Variants in TMEM117 observed in about 807,000 individuals in gnomAD.
TMEM117 encodes transmembrane protein 117.
TMEM117 carries 27 observed loss-of-function variants against 52.4 expected under a neutral mutation model. That is an observed-to-expected ratio of 0.51 (90% CI 0.38 to 0.71). The LOEUF (loss-of-function observed/expected upper bound fraction) is 0.71, where lower values mean the gene tolerates loss of function less well. TMEM117 is among the 30% of genes least tolerant of loss of function. TMEM117 has a pLI of 0.00. For missense variants in TMEM117, 556 were observed against 630.5 expected, an observed-to-expected ratio of 0.88 and a Z score of 1.26; for synonymous variants, 215 against 206.3, an observed-to-expected ratio of 1.04 and a Z score of -0.36.
chr12:44,152,231 A>G (rs1379013208), intron 4 of TMEM117, among the ~76,000 whole-genome samples: 1 of 109,518 alleles, frequency 9.1e-6, no homozygotes, highest in African/African-American at 3.8e-5. Flanking sequence ...TTATAAATAT[A>G]ATTATATATA....
At chr12:44,189,858 C>T (rs1444850272) in intron 4 of TMEM117, among the ~76,000 whole-genome samples, 4 of 152,114 alleles carry the variant, frequency 2.6e-5, no homozygotes, top group Non-Finnish European at 5.9e-5. Context: ...CTTCTAAAGT[C>T]TTGGAAATTA....
At chr12:44,328,668 A>G (rs1250540284) in intron 6 of TMEM117, among the ~76,000 whole-genome samples, 1 of 152,094 alleles carries the variant, frequency 6.6e-6, no homozygotes, top group Non-Finnish European at 1.5e-5. Context: ...TCAAATCTTT[A>G]TCTTTTTCTA....
chr12:44,357,821 G>A (rs1169842676), intron 6 of TMEM117, among the ~76,000 whole-genome samples: 1 of 152,124 alleles, frequency 6.6e-6, no homozygotes, highest in Admixed American at 6.6e-5. Flanking sequence ...ATTACTGGGT[G>A]TGTATATTCA....
chr12:43,817,846 C>A, the TMEM117 span, among the ~76,000 whole-genome samples: 2 of 152,134 alleles, frequency 1.3e-5, no homozygotes, highest in African/African-American at 4.8e-5. Context: ...AAGCTTTATT[C>A]TTCAGAGAGT....
chr12:43,843,583 A>G (rs1222947072), intron 1 of TMEM117, among the ~76,000 whole-genome samples: 2 of 152,240 alleles, frequency 1.3e-5, no homozygotes, highest in Non-Finnish European at 2.9e-5. Flanking sequence ...TGGGCATATT[A>G]CATATTTTGC....
chr12:43,859,544 AT>A (rs1943454050), intron 2 of TMEM117, among the ~76,000 whole-genome samples: 1 of 151,980 alleles, frequency 6.6e-6, no homozygotes. Context: ...AAGAAGAAAA[AT>A]TTTTTGATCA....
intron 4 of TMEM117, among the ~76,000 whole-genome samples, chr12:44,181,300 G>T (rs1156456995): frequency 2.0e-5 from 3 of 151,820 alleles, no homozygotes; most frequent in African/African-American, 7.3e-5. Flanking sequence ...CCATTCTGTA[G>T]GTTGCCTGTT....
intron 2 of TMEM117, among the ~76,000 whole-genome samples, chr12:43,929,421 C>T (rs1466458609): frequency 6.6e-6 from 1 of 152,006 alleles, no homozygotes; most frequent in Admixed American, 6.6e-5. Context: ...ATTAATATTG[C>T]CAACAATTTC....
rs1391151955 is a variant in TMEM117, at chr12:44,389,306, G to A, written c.*634G>A. The A allele has an allele frequency of 1.3e-5, 2 of 152,554 alleles. No homozygotes were observed. Among genetic ancestry groups the A allele is most frequent in the African/African-American group, 4.8e-5 (2 of 41,436 alleles). 9.5% of individuals were successfully genotyped at this position (152,554 alleles called of 1,614,324 possible). On this transcript the variant is annotated 3_prime_UTR_variant, in exon 8 of 8. Coordinates refer to ENST00000266534, the MANE Select transcript of TMEM117 (RefSeq NM_032256.3). ...ACATGGGTCACTACTCGTGAAATGTGACTTTCTCCCACCAGTAATTGAAAT... is the reference window on the plus strand; with the variant it reads ...ACATGGGTCACTACTCGTGAAATGTAACTTTCTCCCACCAGTAATTGAAAT...
chr12:43,812,859 CA>C, the TMEM117 span, among the ~76,000 whole-genome samples: 20,798 of 111,148 alleles, frequency 0.19, 1,514 homozygotes, highest in African/African-American at 0.21. Context: ...ACAAAAAGTA[CA>C]AAAAAAAAAA....
Position 44,284,420 on chromosome 12 carries a change from G to A in TMEM117, c.609-15160G>A, listed in dbSNP as rs566414196. ...TAAATCTCTTTTTCTTCCCAGTCTCGGGTATGTCTTTAGTAGCAGTGTGAA... is the reference window on the plus strand; with the variant it reads ...TAAATCTCTTTTTCTTCCCAGTCTCAGGTATGTCTTTAGTAGCAGTGTGAA... On this transcript the variant is annotated intron_variant, in intron 5 of 7. Coordinates refer to ENST00000266534, the MANE Select transcript of TMEM117 (RefSeq NM_032256.3). Among the ~76,000 whole-genome samples, 16 of 152,234 alleles carry A rather than the reference G, an allele frequency of 1.1e-4. No individual in the cohort carries two copies. The South Asian group carries it at 1.2e-3, about 12-fold the overall frequency.
chr12:44,336,848 A>G (rs1951347915), intron 6 of TMEM117, among the ~76,000 whole-genome samples: 1 of 152,022 alleles, frequency 6.6e-6, no homozygotes, highest in African/African-American at 2.4e-5. Context: ...ACAATTATTC[A>G]TTCAAACTGA....
intron 3 of TMEM117, among the ~76,000 whole-genome samples, chr12:44,013,370 C>T (rs1490538678): frequency 6.6e-6 from 1 of 152,146 alleles, no homozygotes; most frequent in Admixed American, 6.5e-5. Flanking sequence ...GGGCTCTGAA[C>T]TTCACCAGTG....
chr12:43,812,709 T>A, the TMEM117 span, among the ~76,000 whole-genome samples: 1 of 152,080 alleles, frequency 6.6e-6, no homozygotes, highest in Non-Finnish European at 1.5e-5. Flanking sequence ...CTGGGCTCTT[T>A]TTAAGAGAAG....
intron 6 of TMEM117, among the ~76,000 whole-genome samples, chr12:44,314,055 A>G (rs955247994): frequency 6.6e-6 from 1 of 152,184 alleles, no homozygotes; most frequent in Non-Finnish European, 1.5e-5. Context: ...CAAAACTGAG[A>G]TAGTTTGACT....
intron 4 of TMEM117, among the ~76,000 whole-genome samples, chr12:44,158,089 A>G (rs1451020703): frequency 6.6e-6 from 1 of 152,188 alleles, no homozygotes; most frequent in Non-Finnish European, 1.5e-5. Flanking sequence ...AAAATGGATT[A>G]TATGCAGAAA....
At chr12:44,339,378 A>G (rs1951386158) in intron 6 of TMEM117, among the ~76,000 whole-genome samples, 1 of 151,958 alleles carries the variant, frequency 6.6e-6, no homozygotes, top group Admixed American at 6.6e-5. Context: ...GATCTACAAC[A>G]TCCACCATAT....
At chr12:44,357,613 G>A (rs969581404) in intron 6 of TMEM117, among the ~76,000 whole-genome samples, 3 of 151,936 alleles carry the variant, frequency 2.0e-5, no homozygotes, top group East Asian at 1.9e-4. Context: ...AATCAAAACC[G>A]CAACAAGATA....
At chr12:44,061,693 G>A (rs888111620) in intron 3 of TMEM117, among the ~76,000 whole-genome samples, 3 of 152,104 alleles carry the variant, frequency 2.0e-5, no homozygotes, top group South Asian at 2.1e-4. Context: ...CAATGTTAGT[G>A]AAGTACTAAA....
Sources: gnomAD v4.1 joint callset for allele counts (sites outside exome capture counted in the v4.1 genomes callset) on GRCh38, gnomAD v4.1.1 for gene constraint, MANE v1.5 for transcripts, NCBI Gene and HGNC (gene_info 2026-07-23, HGNC 2026-07-21) for gene names.